PDE1A: variants seen among roughly 807,000 people sequenced by gnomAD.
PDE1A encodes the protein phosphodiesterase 1A, also known as dual specificity calcium/calmodulin-dependent 3',5'-cyclic nucleotide phosphodiesterase 1A.
PDE1A carries 35 observed loss-of-function variants against 61.7 expected under a neutral mutation model. That is an observed-to-expected ratio of 0.57 (90% confidence interval 0.43 to 0.75). PDE1A has a LOEUF of 0.75. Ranked by LOEUF, PDE1A falls within the 30% of genes least tolerant of loss-of-function variation. The pLI is 0.00. For missense variants in PDE1A, 597 were observed against 630.6 expected (o/e 0.95, Z 0.57); for synonymous variants, 232 against 213.2 (o/e 1.09, Z -0.77).
chr2:182,571,606 T>C, the PDE1A span, among the ~76,000 whole-genome samples: 1 of 152,086 alleles, frequency 6.6e-6, no homozygotes, highest in Non-Finnish European at 1.5e-5. Flanking sequence ...TCAATGGCAC[T>C]TTCCTGTTAT....
rs1490599114 is a variant in PDE1A at position 182,280,130 on chromosome 2, T to G, written c.54-15716A>C. Among the ~76,000 whole-genome samples, 7 of 150,516 alleles carry G rather than the reference T, an allele frequency of 4.7e-5. No homozygotes were observed. The Admixed American group carries it at 4.8e-4, about 10-fold the overall frequency. ...ATAGTGTATGAAGATTACATTTCCA[T>G]GCCTTTGGGTTTTTTTTATTACCCA... On this transcript the variant is annotated intron_variant, in intron 1 of 13. Transcript: ENST00000351439.
intron 1 of PDE1A, among the ~76,000 whole-genome samples, chr2:182,421,869 G>A (rs960881252): frequency 6.6e-6 from 1 of 152,182 alleles, no homozygotes; most frequent in Admixed American, 6.5e-5. Context: ...TACCCATTAG[G>A]TCCACAAACA....
At chr2:182,267,310 T>C (rs780225023) in intron 1 of PDE1A, among the ~76,000 whole-genome samples, 6 of 152,134 alleles carry the variant, frequency 3.9e-5, no homozygotes, top group Non-Finnish European at 7.3e-5. Flanking sequence ...TATAAACCTA[T>C]AATTGGACAT....
At chr2:182,257,341 T>C (rs951405889) in intron 2 of PDE1A, among the ~76,000 whole-genome samples, 25 of 152,344 alleles carry the variant, frequency 1.6e-4, no homozygotes, top group African/African-American at 6.0e-4. Flanking sequence ...GTGAAAAAAC[T>C]TTGACATTTG....
At chr2:182,566,515 T>C in the PDE1A span, among the ~76,000 whole-genome samples, 118 of 151,216 alleles carry the variant, frequency 7.8e-4, 2 homozygotes, top group East Asian at 0.02. Context: ...TTATATAATA[T>C]ATATTTATTA....
chr2:182,684,751 A>T, the PDE1A span, among the ~76,000 whole-genome samples: 5 of 152,192 alleles, frequency 3.3e-5, no homozygotes, highest in African/African-American at 1.2e-4. Context: ...GGATTTTGCC[A>T]TGTTGGCCAG....
chr2:182,380,847 T>C (rs536697599), intron 1 of PDE1A, among the ~76,000 whole-genome samples: 40 of 152,318 alleles, frequency 2.6e-4, no homozygotes, highest in African/African-American at 9.4e-4. Flanking sequence ...TAAATATCAC[T>C]GAATGAACCT....
At chr2:182,644,955 T>C in the PDE1A span, among the ~76,000 whole-genome samples, 1 of 152,018 alleles carries the variant, frequency 6.6e-6, no homozygotes. Context: ...TAATTATTTC[T>C]GCTTCCTCAA....
chr2:182,189,770 C>G (rs1685536225), intron 10 of PDE1A, among the ~76,000 whole-genome samples: 1 of 152,178 alleles, frequency 6.6e-6, no homozygotes, highest in Non-Finnish European at 1.5e-5. Flanking sequence ...ACAAAGGTTG[C>G]TGTTCTGGTC....
chr2:182,573,867 A>T, the PDE1A span, among the ~76,000 whole-genome samples: 1 of 141,960 alleles, frequency 7.0e-6, no homozygotes, highest in African/African-American at 2.8e-5. Flanking sequence ...TTATATATAC[A>T]TATGTATATA....
At chr2:182,401,255 T>C (rs1559422293) in intron 1 of PDE1A, among the ~76,000 whole-genome samples, 1 of 152,118 alleles carries the variant, frequency 6.6e-6, no homozygotes, top group African/African-American at 2.4e-5. Flanking sequence ...CTGATAAACA[T>C]CGATGCGAAA....
At chr2:182,447,287 A>G (rs1320716156) in intron 2 of PDE1A, among the ~76,000 whole-genome samples, 1 of 151,972 alleles carries the variant, frequency 6.6e-6, no homozygotes, top group Admixed American at 6.6e-5. Flanking sequence ...AATCATTTCC[A>G]AGCAGATGAA....
chr2:182,159,237 G>C (rs181991128), intron 13 of PDE1A, among the ~76,000 whole-genome samples: 18 of 152,210 alleles, frequency 1.2e-4, no homozygotes, highest in African/African-American at 4.1e-4. Context: ...CCCTCTAAAG[G>C]GTTCTGTGAC....
chr2:182,344,962 C>T (rs964127332), intron 1 of PDE1A, among the ~76,000 whole-genome samples: 4 of 152,238 alleles, frequency 2.6e-5, no homozygotes, highest in South Asian at 2.1e-4. Flanking sequence ...GAAAACACCC[C>T]GATTCAGTGC....
chr2:182,246,687 C>T (rs1691000224), intron 2 of PDE1A, among the ~76,000 whole-genome samples: 1 of 152,126 alleles, frequency 6.6e-6, no homozygotes. Context: ...GGATTGTATA[C>T]AGGTGTGAGC....
intron 1 of PDE1A, among the ~76,000 whole-genome samples, chr2:182,373,933 G>A (rs1273115437): frequency 3.3e-5 from 5 of 151,624 alleles, no homozygotes. Context: ...TGTTGTAAAG[G>A]GACTAAAAAG....
upstream of PDE1A, among the ~76,000 whole-genome samples, chr2:182,428,947 C>T (rs183978057): frequency 1.1e-3 from 170 of 152,164 alleles, no homozygotes; most frequent in African/African-American, 3.9e-3. Flanking sequence ...ACAGTTCAAA[C>T]GGCAAGCAAG....
chr2:182,203,723 T>A (rs557410866), intron 8 of PDE1A, among the ~76,000 whole-genome samples: 1 of 152,144 alleles, frequency 6.6e-6, no homozygotes, highest in African/African-American at 2.4e-5. Flanking sequence ...TAAAATTTTC[T>A]TGTGAAAACT....
At chr2:182,445,886 C>T (rs1255027064) in intron 2 of PDE1A, among the ~76,000 whole-genome samples, 2 of 151,996 alleles carry the variant, frequency 1.3e-5, no homozygotes, top group African/African-American at 4.8e-5. Flanking sequence ...TTTCATGATA[C>T]TTAAATATTG....
Sources: allele counts gnomAD v4.1 joint callset (sites outside exome capture counted in the v4.1 genomes callset), GRCh38; gene constraint gnomAD v4.1.1; transcripts MANE v1.5; gene names NCBI Gene and HGNC (gene_info 2026-07-23, HGNC 2026-07-21).